GULP1: variants seen among roughly 807,000 people sequenced by gnomAD.
GULP1 encodes the protein GULP PTB domain containing engulfment adaptor 1.
In GULP1, 19 loss-of-function variants were observed where a neutral mutation model predicts 40.9. The ratio of observed to expected loss-of-function variants is 0.46; its 90% confidence interval spans 0.32 to 0.68. The LOEUF is 0.68. GULP1 is among the 30% of genes least tolerant of loss of function. The probability of loss-of-function intolerance (pLI) is 0.03; values close to 1 mark genes in which losing one functional copy is unlikely to be tolerated. For missense variants in GULP1, 312 were observed against 362.2 expected (o/e 0.86, Z 1.12); for synonymous variants, 119 against 117.6 (o/e 1.01, Z -0.08).
chr2:188,414,585 C>A (rs539423344), intron 2 of GULP1, among the ~76,000 whole-genome samples: 87 of 152,258 alleles, frequency 5.7e-4, no homozygotes, highest in African/African-American at 1.9e-3. Flanking sequence ...TCCCAGAGTG[C>A]TCAAAAGAAT....
intron 2 of GULP1, among the ~76,000 whole-genome samples, chr2:188,441,941 G>T (rs1405785946): frequency 6.6e-6 from 1 of 152,176 alleles, no homozygotes; most frequent in Non-Finnish European, 1.5e-5. Context: ...GCGTTGATGT[G>T]TTGACAGTTT....
chr2:188,396,411 C>T (rs1215112419), intron 2 of GULP1, among the ~76,000 whole-genome samples: 1 of 152,186 alleles, frequency 6.6e-6, no homozygotes, highest in African/African-American at 2.4e-5. Context: ...GCACAGCTGC[C>T]TCAGCTGTAC....
At chr2:188,593,528 G>A (rs1704001375) in intron 11 of GULP1, 2 of 152,866 alleles carry the variant, frequency 1.3e-5, no homozygotes, top group African/African-American at 4.8e-5. Context: ...CAGGAATAAG[G>A]TGAAAATCAT....
intron 4 of GULP1, among the ~76,000 whole-genome samples, chr2:188,495,378 A>C (rs1048882505): frequency 2.6e-5 from 4 of 152,140 alleles, no homozygotes; most frequent in Admixed American, 2.0e-4. Context: ...CTTAGCAAAC[A>C]CCTGTAATGC....
chr2:188,550,530 TCACACA>T (rs1357188637), intron 7 of GULP1, among the ~76,000 whole-genome samples: 5 of 151,704 alleles, frequency 3.3e-5, no homozygotes, highest in African/African-American at 1.2e-4. Context: ...AATGAAATTA[TCACACA>T]CACATTTTTT....
chr2:188,303,897 A>G (rs1273231586), intron 1 of GULP1, among the ~76,000 whole-genome samples: 1 of 152,166 alleles, frequency 6.6e-6, no homozygotes, highest in Non-Finnish European at 1.5e-5. Flanking sequence ...GAGACCAGAG[A>G]ATACAAAGTG....
intron 1 of GULP1, among the ~76,000 whole-genome samples, chr2:188,369,720 C>T (rs950508997): frequency 6.6e-6 from 1 of 152,210 alleles, no homozygotes; most frequent in Non-Finnish European, 1.5e-5. Flanking sequence ...TGCTTTATAA[C>T]ATCTGTAAAG....
chr2:188,478,590 A>T (rs1295094087), intron 3 of GULP1, among the ~76,000 whole-genome samples: 1 of 152,112 alleles, frequency 6.6e-6, no homozygotes, highest in Non-Finnish European at 1.5e-5. Context: ...TGAGGAAAAA[A>T]TGACAAGTTA....
At chr2:188,588,266 T>G in intron 11 of GULP1, 1 of 281,608 alleles carries the variant, frequency 3.6e-6, no homozygotes. Context: ...TGCATTAGAT[T>G]TATAAGATTT....
intron 2 of GULP1, among the ~76,000 whole-genome samples, chr2:188,402,519 G>T (rs1431481794): frequency 6.6e-6 from 1 of 151,680 alleles, no homozygotes; most frequent in African/African-American, 2.4e-5. Context: ...TAAAAATATA[G>T]GTAATAATAA....
At chr2:188,434,530 AT>A (rs58908020) in intron 2 of GULP1, among the ~76,000 whole-genome samples, 8 of 144,714 alleles carry the variant, frequency 5.5e-5, no homozygotes, top group East Asian at 2.1e-4. Flanking sequence ...TATATGTTGG[AT>A]TTTTTTTTCT....
intron 1 of GULP1, among the ~76,000 whole-genome samples, chr2:188,333,346 C>T (rs1159122017): frequency 6.6e-6 from 1 of 151,836 alleles, no homozygotes; most frequent in Non-Finnish European, 1.5e-5. Flanking sequence ...TTGAGGCAAG[C>T]GTTATTAAGG....
At chr2:188,571,960 T>C (rs1487842041) in intron 9 of GULP1, among the ~76,000 whole-genome samples, 1 of 152,220 alleles carries the variant, frequency 6.6e-6, no homozygotes, top group Non-Finnish European at 1.5e-5. Context: ...AACCTCTTTA[T>C]CTGAGGAAGA....
chr2:188,499,152 T>C (rs2063191846), intron 4 of GULP1, among the ~76,000 whole-genome samples: 1 of 145,154 alleles, frequency 6.9e-6, no homozygotes, highest in East Asian at 2.0e-4. Flanking sequence ...TATATATATA[T>C]ATATATATAT....
At chr2:188,332,026 C>A (rs112750916) in intron 1 of GULP1, among the ~76,000 whole-genome samples, 1 of 151,996 alleles carries the variant, frequency 6.6e-6, no homozygotes, top group African/African-American at 2.4e-5. Flanking sequence ...GTAGCTCATA[C>A]GGCAACATTC....
intron 2 of GULP1, among the ~76,000 whole-genome samples, chr2:188,447,012 T>C (rs2058447485): frequency 6.6e-6 from 1 of 152,194 alleles, no homozygotes; most frequent in African/African-American, 2.4e-5. Context: ...AGCCTCGTTT[T>C]ATGCATTTAG....
chr2:188,431,886 C>A (rs1044137178), intron 2 of GULP1, among the ~76,000 whole-genome samples: 1 of 151,632 alleles, frequency 6.6e-6, no homozygotes, highest in African/African-American at 2.4e-5. Flanking sequence ...TTACTGGTTT[C>A]TTTTTCATTT....
rs187710195 is a variant in GULP1 at position 188,535,716 on chromosome 2, A to C, written c.262-5465A>C. On this transcript the variant is annotated intron_variant, in intron 6 of 11. Coordinates refer to ENST00000409830, the MANE Select transcript of GULP1 (RefSeq NM_016315.4). ...GGATATATGTCAAGTATGTATACCC[A>C]GTAACAGGGTTGCTGGAAAACAGCA... 9.8e-5 allele frequency among the ~76,000 whole-genome samples: 15 copies of C among 152,306 alleles called. No homozygotes were observed. In the East Asian group the frequency reaches 2.5e-3, roughly 25 times the overall value.
intron 11 of GULP1, chr2:188,588,347 G>A (rs1702836791): frequency 1.7e-5 from 3 of 181,256 alleles, no homozygotes; most frequent in South Asian, 2.1e-4. Context: ...TTGTAAGAGT[G>A]AAATTATTCT....
Sources: gnomAD v4.1 joint callset for allele counts (sites outside exome capture counted in the v4.1 genomes callset) on GRCh38, gnomAD v4.1.1 for gene constraint, MANE v1.5 for transcripts, NCBI Gene and HGNC (gene_info 2026-07-23, HGNC 2026-07-21) for gene names.